Variants in KIAA1549 observed in about 807,000 individuals in gnomAD.
The protein encoded by KIAA1549 is UPF0606 protein KIAA1549.
KIAA1549 carries 70 observed loss-of-function variants against 156.4 expected under a neutral mutation model. That is an observed-to-expected ratio of 0.45 (90% confidence interval 0.37 to 0.55). The LOEUF (loss-of-function observed/expected upper bound fraction) is 0.55. Among genes scored for constraint, KIAA1549 ranks in the 20% least tolerant of loss-of-function variants. The pLI is 0.00. For missense variants in KIAA1549, 2,428 were observed against 2,540.9 expected, an observed-to-expected ratio of 0.96 and a Z score of 0.96; for synonymous variants, 1,103 against 1,066.4, an observed-to-expected ratio of 1.03 and a Z score of -0.67.
At chr7:138,926,377 CTT>C (rs1035810997) in intron 1 of KIAA1549, among the ~76,000 whole-genome samples, 2 of 152,084 alleles carry the variant, frequency 1.3e-5, no homozygotes, top group Non-Finnish European at 2.9e-5. Flanking sequence ...ATCTCTGCCT[CTT>C]AGGTTCACGC....
rs562752539 is a variant in KIAA1549, at chr7:138,838,086, G to A, written c.5673C>T (p.Pro1891=). 2.5e-6 allele frequency: 4 copies of A among 1,579,936 alleles called. No individual in the cohort carries two copies. The Admixed American group carries it at 5.6e-5, about 22-fold the overall frequency. ...FQVPRTSGRE[P]SAPSGNLPHR... is the part of the protein sequence containing the mutation. ...GGGGGAGGTTCCCGGAAGGAGCTGAGGGCTCCCTGCCTGAAGTCCTTGGCA... is the reference window on the plus strand; with the variant it reads ...GGGGGAGGTTCCCGGAAGGAGCTGAAGGCTCCCTGCCTGAAGTCCTTGGCA... Residue 1891 remains proline, a synonymous_variant, in exon 20 of 20, where the codon CCC becomes CCT. Coordinates refer to ENST00000422774, the MANE Select transcript of KIAA1549 (RefSeq NM_001164665.2).
chr7:138,905,728 G>A (rs1253032156), intron 6 of KIAA1549, among the ~76,000 whole-genome samples: 22 of 150,688 alleles, frequency 1.5e-4, no homozygotes, highest in Non-Finnish European at 2.8e-4. Flanking sequence ...TTAAATAAAC[G>A]TCTCCCCTTT....
intron 15 of KIAA1549, among the ~76,000 whole-genome samples, chr7:138,867,606 A>G (rs1420375448): frequency 6.6e-6 from 1 of 152,102 alleles, no homozygotes; most frequent in African/African-American, 2.4e-5. Flanking sequence ...CCCTCTGACT[A>G]GGGAGAAGGA....
intron 16 of KIAA1549, among the ~76,000 whole-genome samples, chr7:138,854,307 G>A (rs191421733): frequency 1.3e-5 from 2 of 151,994 alleles, no homozygotes; most frequent in Admixed American, 1.3e-4. Flanking sequence ...CAACCAGACA[G>A]TAAGGTCTGC....
chr7:138,918,219 T>C lies in KIAA1549; in HGVS notation c.1407A>G (p.Ala469=), dbSNP rs2130480987. 4.3e-6 allele frequency: 7 copies of C among 1,614,040 alleles called. No individual in the cohort carries two copies. Among genetic ancestry groups the C allele is most frequent in the East Asian group, 2.2e-5 (1 of 44,886 alleles). Residue 469 remains alanine (A), a synonymous_variant, in exon 2 of 20, where the codon GCA becomes GCG. Transcript: ENST00000422774. The surrounding 1 kb of genome is among the most constrained non-coding windows in gnomAD (Gnocchi z 4.2). ...SSISLMSSVV[A]DFSEFEEDPQ... ...GATCTTCCTCAAATTCAGAGAAGTCTGCTACGACGCTACTCATTAGAGAGA... is the reference window on the plus strand; with the variant it reads ...GATCTTCCTCAAATTCAGAGAAGTCCGCTACGACGCTACTCATTAGAGAGA...
intron 1 of KIAA1549, among the ~76,000 whole-genome samples, chr7:138,925,399 C>T (rs1277214103): frequency 1.3e-5 from 2 of 152,036 alleles, no homozygotes; most frequent in Admixed American, 6.5e-5. Context: ...AAATAGCACC[C>T]GCAGGGCCAA....
At chr7:138,916,650 T>C in intron 2 of KIAA1549, 98 bp downstream of exon 2, 1 of 1,524,626 alleles carries the variant, frequency 6.6e-7, no homozygotes, top group Non-Finnish European at 8.8e-7. Context: ...CCAGCGCCTC[T>C]GCTCTTAACC....
chr7:138,848,350 C>T (rs1392647924), intron 17 of KIAA1549, among the ~76,000 whole-genome samples: 1 of 152,168 alleles, frequency 6.6e-6, no homozygotes, highest in African/African-American at 2.4e-5. Flanking sequence ...AAGTTCACTT[C>T]TATTCTTTGT....
rs747050979 is a variant in KIAA1549, at chr7:138,844,399, G to A, written c.5370C>T (p.Ala1790=). The A allele has an allele frequency of 8.1e-6, 13 of 1,607,164 alleles. No homozygotes were observed. The Admixed American group carries it at 1.5e-4, about 19-fold the overall frequency. ...PPDPQQPQAS[A]EAPFAARGIY... is the part of the protein sequence containing the mutation. ...TCCCTCTGGCAGCAAATGGGGCTTC[G>A]GCGGAGGCCTGTGGCTGCTGAGGGT... is the stretch of plus-strand genomic sequence containing the variant. Residue 1790 remains alanine, a synonymous_variant, in exon 18 of 20, where the codon GCC becomes GCT. Coordinates refer to ENST00000422774, the MANE Select transcript of KIAA1549 (RefSeq NM_001164665.2).
chr7:138,938,784 A>C (rs926182386), intron 1 of KIAA1549, among the ~76,000 whole-genome samples: 1 of 152,250 alleles, frequency 6.6e-6, no homozygotes, highest in African/African-American at 2.4e-5. Context: ...ACAGTGGCTC[A>C]CGCCTATAAT....
At chr7:138,860,002 A>G (rs955522156) in intron 16 of KIAA1549, among the ~76,000 whole-genome samples, 1 of 152,260 alleles carries the variant, frequency 6.6e-6, no homozygotes, top group African/African-American at 2.4e-5. Flanking sequence ...ACCTAAGCAG[A>G]GTGCCTGCGA....
intron 1 of KIAA1549, among the ~76,000 whole-genome samples, chr7:138,945,615 T>G (rs1401145329): frequency 6.6e-6 from 1 of 152,260 alleles, no homozygotes; most frequent in African/African-American, 2.4e-5. Flanking sequence ...CAATTTTATG[T>G]ATTTAAAGCA....
chr7:138,839,778 CTTTTTTTTTTTTTTTTTT>C (rs763327649), intron 19 of KIAA1549, among the ~76,000 whole-genome samples: 2 of 61,362 alleles, frequency 3.3e-5, no homozygotes, highest in East Asian at 1.2e-3. Context: ...GGGATTATGT[CTTTTTTTTTTTTTTTTTT>C]TTTTTTTTTT....
chr7:138,965,233 T>C (rs1289516987), intron 1 of KIAA1549, among the ~76,000 whole-genome samples: 1 of 152,144 alleles, frequency 6.6e-6, no homozygotes, highest in East Asian at 1.9e-4. Context: ...ATGAGAAAGT[T>C]CTAGGCAGAG....
At chr7:138,866,218 A>G (rs982062958) in intron 15 of KIAA1549, among the ~76,000 whole-genome samples, 3 of 152,166 alleles carry the variant, frequency 2.0e-5, no homozygotes, top group Non-Finnish European at 4.4e-5. Flanking sequence ...GTAGATCAAG[A>G]AGGTCGGTCT....
intron 10 of KIAA1549, among the ~76,000 whole-genome samples, chr7:138,887,220 T>C (rs1170344041): frequency 6.6e-6 from 1 of 152,114 alleles, no homozygotes; most frequent in Non-Finnish European, 1.5e-5. Flanking sequence ...TATTTATTAT[T>C]AAATATTTAT....
At chr7:138,911,653 T>TA (rs1164603356) in intron 3 of KIAA1549, among the ~76,000 whole-genome samples, 2 of 152,232 alleles carry the variant, frequency 1.3e-5, no homozygotes, top group Non-Finnish European at 1.5e-5. Context: ...ATATGCAATT[T>TA]AAAAATTTCT....
Position 138,918,335 on chromosome 7 carries a change from G to A in KIAA1549, c.1291C>T (p.Gln431Ter). The change falls in exon 2 of 20, where the codon CAA becomes TAA. Residue 431 changes from glutamine (Q) to a stop codon, truncating the protein, a stop_gained. Transcript: ENST00000422774. LOFTEE classifies it high-confidence loss of function. The surrounding 1 kb of genome is among the most constrained non-coding windows in gnomAD (Gnocchi z 4.2). ...CAACTVPSPQ[Q>*]VLATSLMEKD... The stretch of plus-strand genomic sequence containing the variant: ...TCCATGAGGCTCGTGGCCAGAACTT[G>A]CTGAGGTGAAGGCACAGTGCAGGCC... 1 of 1,613,978 alleles carries A rather than the reference G, an allele frequency of 6.2e-7. No individual in the cohort carries two copies. The highest frequency in any genetic ancestry group is 8.5e-7 in the Non-Finnish European group (1 of 1,179,892).
chr7:138,947,523 A>G (rs1469302675), intron 1 of KIAA1549, among the ~76,000 whole-genome samples: 1 of 152,172 alleles, frequency 6.6e-6, no homozygotes, highest in African/African-American at 2.4e-5. Context: ...CCTCCACTAT[A>G]TACTTTGTTT....
Sources: allele counts gnomAD v4.1 joint callset (sites outside exome capture counted in the v4.1 genomes callset), GRCh38; gene constraint gnomAD v4.1.1; non-coding constraint Gnocchi (gnomAD v3.1); transcripts MANE v1.5; gene names NCBI Gene and HGNC (gene_info 2026-07-23, HGNC 2026-07-21).